The following STK32A variants were observed in gnomAD, a reference collection of about 807,000 sequenced individuals.
STK32A encodes the protein serine/threonine-protein kinase 32A.
STK32A carries 41 observed loss-of-function variants against 53.2 expected under a neutral mutation model. The ratio of observed to expected loss-of-function variants is 0.77; its 90% CI spans 0.60 to 1.00. The LOEUF is 1.00. STK32A is among the 50% of genes least tolerant of loss of function. STK32A has a pLI of 0.00. For synonymous variants in STK32A, 166 were observed against 162.8 expected, an observed-to-expected ratio of 1.02 and a Z score of -0.15; for missense variants, 458 against 485.8, an observed-to-expected ratio of 0.94 and a Z score of 0.54.
chr5:147,279,387 G>A lies in STK32A; in HGVS notation c.249G>A (p.Leu83=). The A allele has an allele frequency of 6.3e-7, 1 of 1,585,790 alleles. No homozygotes were observed. The change falls in exon 4 of 13, where the codon CTG becomes CTA. Residue 83 remains leucine, a synonymous_variant. Transcript: ENST00000397936. ...QIMQGLEHPF[L]VNLWYSFQDE... ...TGCAGGGTCTGGAGCACCCTTTCCT[G>A]GTTAATTTGTGGTGAGTAATTTTAC... is the stretch of plus-strand genomic sequence containing the variant.
intron 7 of STK32A, among the ~76,000 whole-genome samples, chr5:147,357,628 C>A (rs936508591): frequency 6.6e-6 from 1 of 151,978 alleles, no homozygotes; most frequent in Non-Finnish European, 1.5e-5. Flanking sequence ...TCAAGCCACT[C>A]ATCTTTTTAC....
intron 1 of STK32A, among the ~76,000 whole-genome samples, chr5:147,237,725 T>A (rs1020834069): frequency 1.3e-5 from 2 of 152,212 alleles, no homozygotes; most frequent in African/African-American, 4.8e-5. Flanking sequence ...ATAAGGCACT[T>A]TGCCAGCAGT....
chr5:147,391,612 ATT>A (rs1757806997), downstream of STK32A: 1 of 152,140 alleles, frequency 6.6e-6, no homozygotes, highest in Non-Finnish European at 1.5e-5. Flanking sequence ...GGGACTCACC[ATT>A]GTTTTCTTTT....
chr5:147,359,288 T>C (rs1003916477), intron 7 of STK32A, among the ~76,000 whole-genome samples: 12 of 152,138 alleles, frequency 7.9e-5, no homozygotes, highest in Non-Finnish European at 1.5e-4. Flanking sequence ...TGTCATAAGG[T>C]TTCTTCTTAA....
In STK32A at chr5:147,324,027, G is replaced by C; in HGVS notation, c.390G>C (p.Leu130=). 1 of 1,610,404 alleles carries C rather than the reference G, an allele frequency of 6.2e-7. No individual in the cohort carries two copies. Among genetic ancestry groups the C allele is most frequent in the African/African-American group, 1.3e-5 (1 of 74,984 alleles). Residue 130 remains leucine (L), a synonymous_variant, in exon 5 of 13, where the codon CTG becomes CTC. Transcript: ENST00000397936. Reference sequence around the variant, plus strand: ...CAGTGAAGCTCTTCATCTGTGAGCTGGTCATGGCCCTGGACTACCTGCAGA... The same window carrying C: ...CAGTGAAGCTCTTCATCTGTGAGCTCGTCATGGCCCTGGACTACCTGCAGA... ...EETVKLFICE[L]VMALDYLQNQ...
chr5:147,339,487 C>A (rs1157816714), intron 5 of STK32A, among the ~76,000 whole-genome samples: 1 of 152,232 alleles, frequency 6.6e-6, no homozygotes, highest in Non-Finnish European at 1.5e-5. Context: ...ACACAGAGTT[C>A]CCACTAGGGC....
At chr5:147,296,415 T>A (rs548410484) in intron 4 of STK32A, among the ~76,000 whole-genome samples, 1 of 152,046 alleles carries the variant, frequency 6.6e-6, no homozygotes, top group Admixed American at 6.5e-5. Context: ...CCCCTGATTC[T>A]TCCTTTGGGG....
intron 2 of STK32A, among the ~76,000 whole-genome samples, chr5:147,265,951 T>C (rs867687868): frequency 6.6e-5 from 10 of 152,176 alleles, no homozygotes; most frequent in Admixed American, 2.0e-4. Flanking sequence ...TCACCCTTCC[T>C]TGGCAAATCA....
At chr5:147,244,689 A>G (rs1753711203) in intron 2 of STK32A, among the ~76,000 whole-genome samples, 1 of 152,214 alleles carries the variant, frequency 6.6e-6, no homozygotes, top group African/African-American at 2.4e-5. Flanking sequence ...TACCACAAGA[A>G]AAGTCTCCAA....
intron 11 of STK32A, chr5:147,383,183 C>T: frequency 2.1e-6 from 1 of 479,764 alleles, no homozygotes; most frequent in Non-Finnish European, 3.6e-6. Context: ...TTTCAATAGA[C>T]TCCAGAGTTC....
At chr5:147,267,467 A>G (rs1754858250) in intron 2 of STK32A, among the ~76,000 whole-genome samples, 1 of 152,198 alleles carries the variant, frequency 6.6e-6, no homozygotes, top group South Asian at 2.1e-4. Flanking sequence ...TTTATGTAAC[A>G]TATCTATAAA....
the STK32A span, chr5:147,399,109 C>A: frequency 6.2e-7 from 1 of 1,614,216 alleles, no homozygotes. Context: ...CAGAGACGAT[C>A]TTCACAGCAT....
chr5:147,299,081 G>A (rs1272373964), intron 4 of STK32A, among the ~76,000 whole-genome samples: 1 of 152,106 alleles, frequency 6.6e-6, no homozygotes, highest in Non-Finnish European at 1.5e-5. Flanking sequence ...AGAGTAAGGT[G>A]AAAGCAAGTT....
rs1222217592 is a variant in STK32A at position 147,385,548 on chromosome 5, A to G, written c.*1565A>G. On this transcript the variant is annotated 3_prime_UTR_variant, in exon 13 of 13. Transcript: ENST00000397936. ...CTCCCTTCTCCCTTGTGCTTACTAC[A>G]AGAATGGCAGGCAGAATTCCCTACT... 1.3e-5 allele frequency: 2 copies of G among 152,180 alleles called. No homozygotes were observed. The highest frequency in any genetic ancestry group is 4.8e-5 in the African/African-American group (2 of 41,442). 9.4% of individuals were successfully genotyped at this position (152,180 alleles called of 1,614,324 possible).
intron 10 of STK32A, 79 bp downstream of exon 10, chr5:147,373,373 T>A: frequency 6.4e-7 from 1 of 1,558,518 alleles, no homozygotes; most frequent in Admixed American, 1.9e-5. Context: ...CATTGTCTCA[T>A]TAGATAATCA....
At chr5:147,270,142 A>G (rs1166238893) in intron 2 of STK32A, among the ~76,000 whole-genome samples, 2 of 152,194 alleles carry the variant, frequency 1.3e-5, no homozygotes, top group African/African-American at 4.8e-5. Context: ...ATCCTATAAA[A>G]ATCACAAACC....
intron 2 of STK32A, among the ~76,000 whole-genome samples, chr5:147,256,218 T>C (rs1754230330): frequency 1.3e-5 from 2 of 152,188 alleles, no homozygotes; most frequent in African/African-American, 2.4e-5. Flanking sequence ...CTCCCTGTCA[T>C]GAGAGACACT....
intron 4 of STK32A, among the ~76,000 whole-genome samples, chr5:147,318,874 T>C (rs1328595439): frequency 1.3e-5 from 2 of 152,018 alleles, no homozygotes; most frequent in African/African-American, 4.8e-5. Flanking sequence ...CCATCCAGGG[T>C]ATACAAGATA....
intron 4 of STK32A, among the ~76,000 whole-genome samples, chr5:147,310,523 C>T (rs1454000931): frequency 6.6e-6 from 1 of 152,150 alleles, no homozygotes; most frequent in South Asian, 2.1e-4. Flanking sequence ...ACCTCTCCCA[C>T]GCCAGCCAGG....
Sources: gnomAD v4.1 joint callset for allele counts (sites outside exome capture counted in the v4.1 genomes callset) on GRCh38, gnomAD v4.1.1 for gene constraint, MANE v1.5 for transcripts, NCBI Gene and HGNC (gene_info 2026-07-23, HGNC 2026-07-21) for gene names.